The following VPS37B variants were observed in gnomAD, a reference collection of about 807,000 sequenced individuals.
The protein encoded by VPS37B is vacuolar protein sorting-associated protein 37B.
A neutral mutation model predicts 21.2 loss-of-function variants in VPS37B; 11 were observed. The ratio of observed to expected loss-of-function variants is 0.52; its 90% confidence interval spans 0.33 to 0.86. VPS37B has a LOEUF of 0.86. Ranked by LOEUF, VPS37B falls within the 40% of genes least tolerant of loss-of-function variation. The probability of loss-of-function intolerance (pLI) is 0.03; values close to 1 mark genes in which losing one functional copy is unlikely to be tolerated. For synonymous variants in VPS37B, 175 were observed against 159.6 expected, an observed-to-expected ratio of 1.10 and a Z score of -0.73; for missense variants, 389 against 374.8, an observed-to-expected ratio of 1.04 and a Z score of -0.31.
chr12:122,887,114 C>T lies in VPS37B; in HGVS notation c.111+8838G>A, dbSNP rs1221954975. The T allele has an allele frequency of 2.0e-5, 3 of 152,314 alleles. No individual in the cohort carries two copies. The East Asian group carries it at 5.8e-4, about 29-fold the overall frequency. The allele number at this position is 152,314 out of a possible 1,614,324, so 9.4% of individuals were successfully genotyped here. On this transcript the variant is annotated intron_variant, in intron 1 of 3. Coordinates refer to ENST00000267202, the MANE Select transcript of VPS37B (RefSeq NM_024667.3). ...TTGAACTGTGTGCAAAAGCAAGACT[C>T]AACAGGCTCTGCTATAAGTCCAGTA...
At chr12:122,872,047 T>C (rs1206108766) in intron 1 of VPS37B, 1 of 985,236 alleles carries the variant, frequency 1.0e-6, no homozygotes, top group Non-Finnish European at 1.2e-6. Context: ...AGTCATCTCA[T>C]TTTCCCCTTA....
intron 1 of VPS37B, chr12:122,879,631 A>G (rs1195387068): frequency 6.6e-6 from 1 of 152,390 alleles, no homozygotes; most frequent in East Asian, 1.9e-4. Flanking sequence ...TGACTGTGCC[A>G]TGTCTTGCCA....
intron 1 of VPS37B, chr12:122,871,803 C>T: frequency 2.1e-6 from 2 of 973,910 alleles, no homozygotes; most frequent in Non-Finnish European, 2.4e-6. Context: ...AGTAGAAGGT[C>T]TGAGAAAAAA....
rs1429719123 is a variant in VPS37B at position 122,867,711 on chromosome 12, G to C, written c.367-104C>G. On this transcript the variant is annotated intron_variant, in intron 3 of 3. Coordinates refer to ENST00000267202, the MANE Select transcript of VPS37B (RefSeq NM_024667.3). The surrounding 1 kb of genome is among the most constrained non-coding windows in gnomAD (Gnocchi z 5.5). ...GCAACGCCCAGCTGCTTCCAACACT[G>C]CCCCCTCCCTGTAACCACCCAGAGG... is the stretch of plus-strand genomic sequence containing the variant. The C allele has an allele frequency of 6.7e-7, 1 of 1,498,656 alleles. No individual in the cohort carries two copies. Among genetic ancestry groups the C allele is most frequent in the Non-Finnish European group, 9.1e-7 (1 of 1,100,744 alleles). 92.8% of individuals were successfully genotyped at this position (1,498,656 alleles called of 1,614,324 possible). A position where few individuals can be genotyped will look rare whatever the true frequency, so the allele number is the denominator to read the frequency against.
At chr12:122,877,299 T>TGCCC (rs1390742191) in intron 1 of VPS37B, 1 of 152,186 alleles carries the variant, frequency 6.6e-6, no homozygotes, top group Admixed American at 6.5e-5. Flanking sequence ...AAACAAAATA[T>TGCCC]GCCCGCACCT....
intron 1 of VPS37B, chr12:122,872,586 C>A: frequency 2.0e-6 from 2 of 985,428 alleles, no homozygotes; most frequent in Non-Finnish European, 2.4e-6. Context: ...GCTCCCGTCA[C>A]CCGCTTCCCC....
rs762296816 is a variant in VPS37B, at chr12:122,896,038, G to C, written c.25C>G (p.Arg9Gly). 15 of 1,587,342 alleles carry C rather than the reference G, an allele frequency of 9.4e-6. No homozygotes were observed. The highest frequency in any genetic ancestry group is 1.2e-5 in the Non-Finnish European group (14 of 1,171,440). MAGAGSEA[R>G]FAGLSLVQLN... ...TGCACCAGCGACAGCCCGGCGAACCGGGCTTCGCTCCCGGCGCCCGCCATC... is the reference window on the plus strand; with the variant it reads ...TGCACCAGCGACAGCCCGGCGAACCCGGCTTCGCTCCCGGCGCCCGCCATC... Residue 9 changes from arginine (R) to glycine (G), a missense_variant, in exon 1 of 4, where the codon CGG becomes GGG. Arg to Gly is a moderately radical substitution (Grantham distance 125). Transcript: ENST00000267202.
At chr12:122,870,843 CCTT>C (rs1566123983) in intron 2 of VPS37B, 44 bp downstream of exon 2, 4 of 1,552,056 alleles carry the variant, frequency 2.6e-6, no homozygotes, top group Admixed American at 3.9e-5. Flanking sequence ...GAAAATGTGT[CCTT>C]CTCTCAACTC....
Position 122,866,999 on chromosome 12 carries a change from C to T in VPS37B, c.*117G>A. On this transcript the variant is annotated 3_prime_UTR_variant, in exon 4 of 4. Coordinates refer to ENST00000267202, the MANE Select transcript of VPS37B (RefSeq NM_024667.3). ...ACCTACAGTTCTAAAATCAGACAGA[C>T]ACGCTGGCCCAGGGCCCCAGAGCCC... 7.7e-7 allele frequency: 1 copy of T among 1,301,630 alleles called. No homozygotes were observed. The highest frequency in any genetic ancestry group is 1.0e-6 in the Non-Finnish European group (1 of 990,832). 80.6% of individuals were successfully genotyped at this position (1,301,630 alleles called of 1,614,324 possible).
chr12:122,885,033 G>A (rs746892214), intron 1 of VPS37B: 26 of 152,062 alleles, frequency 1.7e-4, no homozygotes, highest in Middle Eastern at 3.4e-3. Context: ...TAACTCTCAC[G>A]TGACTCCAAT....
chr12:122,890,067 G>A (rs1482936980), intron 1 of VPS37B: 1 of 152,102 alleles, frequency 6.6e-6, no homozygotes, highest in Non-Finnish European at 1.5e-5. Context: ...AGCACAAGGC[G>A]GGGGGTTCCG....
rs970182267 is a variant in VPS37B at position 122,867,700 on chromosome 12, C to T, written c.367-93G>A. On this transcript the variant is annotated intron_variant, in intron 3 of 3. Coordinates refer to ENST00000267202, the MANE Select transcript of VPS37B (RefSeq NM_024667.3). The surrounding 1 kb of genome is among the most constrained non-coding windows in gnomAD (Gnocchi z 5.5). ...CACAAGGAGAGGCAACGCCCAGCTG[C>T]TTCCAACACTGCCCCCTCCCTGTAA... The T allele has an allele frequency of 6.5e-7, 1 of 1,541,102 alleles. No homozygotes were observed. Among genetic ancestry groups the T allele is most frequent in the African/African-American group, 1.4e-5 (1 of 73,550 alleles).
At chr12:122,886,226 A>C (rs2034325424) in intron 1 of VPS37B, 1 of 152,186 alleles carries the variant, frequency 6.6e-6, no homozygotes, top group Admixed American at 6.6e-5. Context: ...GCCCCCAAGG[A>C]CTCAGTCCTG....
chr12:122,877,607 A>G (rs775863075), intron 1 of VPS37B: 1 of 152,146 alleles, frequency 6.6e-6, no homozygotes. Context: ...TCTTCCCACA[A>G]AGACTCTGCT....
At chr12:122,879,274 T>G (rs531348271) in intron 1 of VPS37B, 18 of 152,612 alleles carry the variant, frequency 1.2e-4, no homozygotes, top group Admixed American at 1.1e-3. Context: ...TATCCTGCTC[T>G]GTGCCCCAGC....
intron 1 of VPS37B, among the ~76,000 whole-genome samples, chr12:122,894,878 C>CT (rs2034467361): frequency 1.3e-5 from 2 of 152,156 alleles, no homozygotes; most frequent in Non-Finnish European, 2.9e-5. Flanking sequence ...CAGCCAGCCC[C>CT]AAACCCCCAT....
intron 1 of VPS37B, among the ~76,000 whole-genome samples, chr12:122,894,704 A>G (rs1312866772): frequency 2.0e-5 from 3 of 152,176 alleles, no homozygotes; most frequent in African/African-American, 7.2e-5. Context: ...ATGAGTCCAA[A>G]TGGGTTGAGA....
intron 1 of VPS37B, chr12:122,876,337 A>G (rs1421355806): frequency 1.3e-5 from 2 of 152,226 alleles, no homozygotes; most frequent in East Asian, 1.9e-4. Context: ...AGTATCTTAT[A>G]TATACTTATC....
At chr12:122,887,021 T>C (rs2034339554) in intron 1 of VPS37B, 1 of 152,214 alleles carries the variant, frequency 6.6e-6, no homozygotes, top group Non-Finnish European at 1.5e-5. Context: ...TGTTATTGGT[T>C]CTTCTAGTTT....
Sources: gnomAD v4.1 joint callset for allele counts (sites outside exome capture counted in the v4.1 genomes callset) on GRCh38, gnomAD v4.1.1 for gene constraint, Gnocchi (gnomAD v3.1) non-coding constraint, MANE v1.5 for transcripts, NCBI Gene and HGNC (gene_info 2026-07-23, HGNC 2026-07-21) for gene names.